The following MLLT10 variants were observed in gnomAD, a reference collection of about 807,000 sequenced individuals.
MLLT10 encodes the protein protein AF-10.
In MLLT10, 30 loss-of-function variants were observed where a neutral mutation model predicts 129.1. The observed-to-expected ratio is 0.23, with a 90% confidence interval of 0.17 to 0.32. The LOEUF is 0.32. Among genes scored for constraint, MLLT10 ranks in the 10% least tolerant of loss-of-function variants. The pLI is 1.00. For missense variants in MLLT10, 1,119 were observed against 1,268.3 expected (o/e 0.88, Z 1.79); for synonymous variants, 490 against 446.4 (o/e 1.10, Z -1.23).
intron 16 of MLLT10, among the ~76,000 whole-genome samples, chr10:21,728,868 T>TA (rs1361165427): frequency 4.1e-5 from 6 of 144,644 alleles, no homozygotes; most frequent in Non-Finnish European, 9.1e-5. Flanking sequence ...TGTCTACAAT[T>TA]TTTTTTTTTT....
intron 5 of MLLT10, among the ~76,000 whole-genome samples, chr10:21,600,955 C>CT (rs945328843): frequency 6.6e-6 from 1 of 152,006 alleles, no homozygotes; most frequent in East Asian, 1.9e-4. Context: ...CTCCCCTCTT[C>CT]TTTTTTTTCC....
chr10:21,573,256 C>T (rs531435117), intron 3 of MLLT10, among the ~76,000 whole-genome samples: 15 of 152,266 alleles, frequency 9.9e-5, no homozygotes, highest in African/African-American at 3.6e-4. Flanking sequence ...TATAAGTCAG[C>T]TGTAGGGGTT....
chr10:21,623,768 C>T (rs2046143497), intron 8 of MLLT10, among the ~76,000 whole-genome samples: 2 of 152,158 alleles, frequency 1.3e-5, no homozygotes, highest in Non-Finnish European at 2.9e-5. Context: ...TCACTTCTAT[C>T]CCACTCAATC....
At chr10:21,613,445 T>G (rs890341929) in intron 6 of MLLT10, among the ~76,000 whole-genome samples, 10 of 152,208 alleles carry the variant, frequency 6.6e-5, no homozygotes, top group African/African-American at 2.4e-4. Flanking sequence ...GGAAAACGGT[T>G]TTTGACTTTT....
chr10:21,538,691 A>T, intron 2 of MLLT10, 142 bp from the exon 3 acceptor site: 1 of 555,950 alleles, frequency 1.8e-6, no homozygotes, highest in Non-Finnish European at 3.2e-6. Context: ...TGTGATAAAT[A>T]GGATGTGAAC....
At chr10:21,641,533 A>G (rs2048003757) in intron 8 of MLLT10, among the ~76,000 whole-genome samples, 1 of 152,168 alleles carries the variant, frequency 6.6e-6, no homozygotes, top group Non-Finnish European at 1.5e-5. Context: ...GTGCGTGCCT[A>G]TAGTCACAGC....
At chr10:21,690,433 A>G (rs1564653776) in intron 13 of MLLT10, among the ~76,000 whole-genome samples, 2 of 152,142 alleles carry the variant, frequency 1.3e-5, no homozygotes, top group South Asian at 2.1e-4. Flanking sequence ...TTTCCCCCCA[A>G]AAGAACTGAT....
chr10:21,632,866 A>C (rs1048214334), intron 8 of MLLT10, among the ~76,000 whole-genome samples: 1 of 152,174 alleles, frequency 6.6e-6, no homozygotes, highest in Non-Finnish European at 1.5e-5. Context: ...TGCCACTAAG[A>C]AAAAATCATG....
At chr10:21,686,207 A>G (rs1328267005) in intron 13 of MLLT10, among the ~76,000 whole-genome samples, 1 of 152,178 alleles carries the variant, frequency 6.6e-6, no homozygotes, top group Non-Finnish European at 1.5e-5. Flanking sequence ...AAAACCAAAC[A>G]TGAAATACAA....
At position 21,667,417 on chromosome 10, in the gene MLLT10, G is replaced by A. The variant is rs112301605; in HGVS notation, c.796-3032G>A. 4.8e-5 allele frequency among the ~76,000 whole-genome samples: 7 copies of A among 145,918 alleles called. 1 individual carries two copies. The highest frequency in any genetic ancestry group is 1.8e-4 in the African/African-American group (7 of 39,446). On this transcript the variant is annotated intron_variant, in intron 9 of 22. Coordinates refer to ENST00000307729, the MANE Select transcript of MLLT10 (RefSeq NM_001195626.3). ...AATTTTTCCTACTATTATTTCTTCA[G>A]TTTTGTGGGGATTTTTTGTTCGTTT...
At chr10:21,686,709 A>G (rs1014243389) in intron 13 of MLLT10, among the ~76,000 whole-genome samples, 1 of 152,156 alleles carries the variant, frequency 6.6e-6, no homozygotes, top group African/African-American at 2.4e-5. Flanking sequence ...GGGGCCGTGC[A>G]TGGTGGCTCA....
intron 9 of MLLT10, chr10:21,669,076 T>C (rs781219095): frequency 7.5e-7 from 1 of 1,336,424 alleles, no homozygotes; most frequent in Admixed American, 2.3e-5. Flanking sequence ...TTTCATCAGC[T>C]TAAATGTAAT....
intron 8 of MLLT10, among the ~76,000 whole-genome samples, chr10:21,646,174 A>G (rs1564568975): frequency 6.6e-6 from 1 of 152,140 alleles, no homozygotes; most frequent in Non-Finnish European, 1.5e-5. Context: ...CCACCGCACT[A>G]CAGCCTGGCA....
At chr10:21,601,488 A>G (rs1331443778) in intron 5 of MLLT10, among the ~76,000 whole-genome samples, 1 of 152,122 alleles carries the variant, frequency 6.6e-6, no homozygotes, top group East Asian at 1.9e-4. Flanking sequence ...CTGTAATCTC[A>G]CTCACCAACA....
At chr10:21,679,797 T>C (rs1375799709) in intron 11 of MLLT10, among the ~76,000 whole-genome samples, 1 of 152,216 alleles carries the variant, frequency 6.6e-6, no homozygotes, top group Non-Finnish European at 1.5e-5. Context: ...TGAGCATCAC[T>C]AATCTGAAAA....
intron 3 of MLLT10, among the ~76,000 whole-genome samples, chr10:21,563,621 A>G (rs2039140636): frequency 1.3e-5 from 2 of 152,102 alleles, no homozygotes; most frequent in Non-Finnish European, 2.9e-5. Context: ...AGTATTTGTT[A>G]CAGTTAAACT....
At chr10:21,584,761 T>C (rs1016049185) in intron 3 of MLLT10, among the ~76,000 whole-genome samples, 6 of 151,834 alleles carry the variant, frequency 4.0e-5, no homozygotes, top group Non-Finnish European at 7.4e-5. Context: ...TGTGTATATA[T>C]ATATAAAGTA....
rs537339342 is a variant in MLLT10, at chr10:21,551,116, G to A, written c.240+12204G>A. On this transcript the variant is annotated intron_variant, in intron 3 of 22. Transcript: ENST00000307729. ...TGATTTTTGTGTTTTTAGTAGAGAC[G>A]GGGTTTCACCACGTTGGTCAGGTTG... Among the ~76,000 whole-genome samples the A allele has an allele frequency of 1.6e-3, 248 of 151,292 alleles. 1 individual carries two copies. The highest frequency in any genetic ancestry group is 3.1e-3 in the South Asian group (15 of 4,786).
intron 13 of MLLT10, among the ~76,000 whole-genome samples, chr10:21,699,453 A>G (rs2054686848): frequency 6.6e-6 from 1 of 151,798 alleles, no homozygotes; most frequent in Non-Finnish European, 1.5e-5. Context: ...CTTTGCCTAG[A>G]CCAATGTCCT....
Sources: gnomAD v4.1 joint callset for allele counts (sites outside exome capture counted in the v4.1 genomes callset) on GRCh38, gnomAD v4.1.1 for gene constraint, MANE v1.5 for transcripts, NCBI Gene and HGNC (gene_info 2026-07-23, HGNC 2026-07-21) for gene names.